The following RIOX2 variants were observed in gnomAD, a reference collection of about 807,000 sequenced individuals.
The protein encoded by RIOX2 is 60S ribosomal protein L27a histidine hydroxylase.
Under a neutral mutation model 51.2 loss-of-function variants are expected in RIOX2, and 43 were observed. That is an observed-to-expected ratio of 0.84 (90% CI 0.66 to 1.08). RIOX2 has a LOEUF of 1.08. Among genes scored for constraint, RIOX2 ranks in the 50% least tolerant of loss-of-function variants. The pLI is 0.00. For missense variants in RIOX2, 566 were observed against 561.7 expected (o/e 1.01, Z -0.08); for synonymous variants, 226 against 218.5 (o/e 1.03, Z -0.30).
chr3:97,967,031 A>C (rs1354151585), intron 2 of RIOX2, 131 bp downstream of exon 2: 1 of 904,270 alleles, frequency 1.1e-6, no homozygotes, highest in African/African-American at 1.7e-5. Context: ...TAGACCAAAG[A>C]GGTGCTACCC....
intron 2 of RIOX2, among the ~76,000 whole-genome samples, chr3:97,962,364 C>A (rs1257561738): frequency 1.6e-5 from 2 of 122,108 alleles, no homozygotes; most frequent in African/African-American, 2.9e-5. Context: ...AGACCCCCCC[C>A]CCCCCCCCCA....
intron 5 of RIOX2, among the ~76,000 whole-genome samples, chr3:97,953,382 A>ATT (rs533480158): frequency 6.2e-5 from 9 of 145,818 alleles, no homozygotes; most frequent in African/African-American, 1.5e-4. Context: ...CATGACTAGT[A>ATT]TTTTTTTTTT....
At chr3:97,955,705 G>C (rs1307108661) in intron 4 of RIOX2, among the ~76,000 whole-genome samples, 12 of 152,086 alleles carry the variant, frequency 7.9e-5, no homozygotes. Flanking sequence ...GAGACTCTCA[G>C]GTATACAGTC....
intron 5 of RIOX2, chr3:97,952,214 G>C (rs766137112): frequency 4.3e-5 from 55 of 1,289,630 alleles, no homozygotes; most frequent in Non-Finnish European, 5.6e-5. Flanking sequence ...GGGAGCAATG[G>C]CCCTCAAGTC....
At chr3:97,961,290 C>T (rs1456128531) in intron 3 of RIOX2, among the ~76,000 whole-genome samples, 1 of 152,212 alleles carries the variant, frequency 6.6e-6, no homozygotes, top group African/African-American at 2.4e-5. Flanking sequence ...AAGGAAAAGC[C>T]AAGCACACCT....
At chr3:97,962,554 A>G (rs150041265) in intron 2 of RIOX2, among the ~76,000 whole-genome samples, 1 of 152,254 alleles carries the variant, frequency 6.6e-6, no homozygotes, top group African/African-American at 2.4e-5. Flanking sequence ...TCTCTCCACT[A>G]TCAACTCTTC....
At chr3:97,972,333 ACCCGGCCTGCCC>A in intron 1 of RIOX2, 36 bp downstream of exon 1, 1 of 150,730 alleles carries the variant, frequency 6.6e-6, no homozygotes, top group East Asian at 2.0e-4. Flanking sequence ...ATCGGGCACT[ACCCGGCCTGCCC>A]CGGCGCTGGG....
intron 2 of RIOX2, among the ~76,000 whole-genome samples, chr3:97,965,321 G>A (rs1231217343): frequency 6.6e-6 from 1 of 151,760 alleles, no homozygotes; most frequent in Non-Finnish European, 1.5e-5. Flanking sequence ...AGACCAGCCT[G>A]GCCAACATGG....
rs1559762746 is a variant in RIOX2, at chr3:97,961,725, A to G, written c.433-17T>C. On this transcript the variant is annotated splice_polypyrimidine_tract_variant and intron_variant, in intron 2 of 9. Coordinates refer to ENST00000394198, the MANE Select transcript of RIOX2 (RefSeq NM_153182.4). The stretch of plus-strand genomic sequence containing the variant: ...AAGCTCATCCTTTACAAAAAAGGAA[A>G]AAAGAAAGGGTCGGCGTGGGGGAGT... 5 of 1,578,526 alleles carry G rather than the reference A, an allele frequency of 3.2e-6. No homozygotes were observed. Among genetic ancestry groups the G allele is most frequent in the Non-Finnish European group, 4.3e-6 (5 of 1,170,154 alleles).
Position 97,944,872 on chromosome 3 carries a change from G to T in RIOX2, c.*312C>A. On this transcript the variant is annotated 3_prime_UTR_variant, in exon 10 of 10. Transcript: ENST00000394198. ...CTTTAAAGAAGTTGTTTCTTCCAAA[G>T]AACAAAGCCAGGTTAATGACATTCA... The T allele has an allele frequency of 5.4e-6, 1 of 185,754 alleles. No individual in the cohort carries two copies. The highest frequency in any genetic ancestry group is 1.3e-4 in the East Asian group (1 of 7,568). 11.5% of individuals were successfully genotyped at this position (185,754 alleles called of 1,614,324 possible).
At chr3:97,958,780 G>A (rs555216102) in intron 4 of RIOX2, among the ~76,000 whole-genome samples, 1 of 152,258 alleles carries the variant, frequency 6.6e-6, no homozygotes, top group African/African-American at 2.4e-5. Context: ...CTTTCTTCCT[G>A]TTGGACTTGA....
intron 8 of RIOX2, among the ~76,000 whole-genome samples, chr3:97,946,652 G>A (rs1282965598): frequency 6.9e-6 from 1 of 144,172 alleles, no homozygotes; most frequent in African/African-American, 2.7e-5. Flanking sequence ...TGGCCCTGAC[G>A]GCTGGAACAA....
intron 2 of RIOX2, among the ~76,000 whole-genome samples, chr3:97,965,054 G>C (rs1203002536): frequency 1.3e-5 from 2 of 151,966 alleles, no homozygotes; most frequent in Non-Finnish European, 2.9e-5. Context: ...ACTCCTTCTA[G>C]ACTTCCTCTG....
At position 97,949,979 on chromosome 3, in the gene RIOX2, T is replaced by G. The variant is rs758974003; in HGVS notation, c.925A>C (p.Ser309Arg). 13 of 1,613,948 alleles carry G rather than the reference T, an allele frequency of 8.1e-6. No homozygotes were observed. The South Asian group carries it at 1.4e-4, about 18-fold the overall frequency. The change falls in exon 7 of 10, where the codon AGT becomes CGT. Residue 309 changes from serine to arginine, a missense_variant. Physicochemically the swap from Ser to Arg is moderately radical, Grantham distance 110. Transcript: ENST00000394198. ...TCTGCAAGTGTCCTCAGGAAGCCAC[T>G]TAATCGTCTTGTAGCAACAGTTGTG... ...ESTTVATRRL[S>R]GFLRTLADRL...
At chr3:97,950,140 G>T in intron 6 of RIOX2, 125 bp from the exon 7 acceptor site, 1 of 847,878 alleles carries the variant, frequency 1.2e-6, no homozygotes, top group East Asian at 2.6e-5. Context: ...CATTCCAAAG[G>T]GGAAGGGACA....
At position 97,967,200 on chromosome 3, in the gene RIOX2, T is replaced by C. The variant is rs763400836; in HGVS notation, c.394A>G (p.Arg132Gly). ...LQLRKDFDQK[R>G]ATIQFHQPQR... The stretch of plus-strand genomic sequence containing the variant: ...GGTTGGTGAAACTGAATCGTTGCCC[T>C]TTTCTGATCAAAATCTTTTCTCAGC... The change falls in exon 2 of 10, where the codon AGG becomes GGG. Residue 132 changes from arginine to glycine, a missense_variant. By Grantham distance (125) the Arg-to-Gly change is moderately radical (BLOSUM62 -2). Transcript: ENST00000394198. The C allele has an allele frequency of 6.2e-7, 1 of 1,614,220 alleles. No homozygotes were observed. The highest frequency in any genetic ancestry group is 1.7e-5 in the Admixed American group (1 of 60,022).
chr3:97,961,777 G>T (rs921396402), intron 2 of RIOX2, 69 bp from the exon 3 acceptor site: 4 of 1,495,110 alleles, frequency 2.7e-6, no homozygotes, highest in Non-Finnish European at 2.7e-6. Flanking sequence ...ATAAGAATAA[G>T]AGCATGTTCT....
In RIOX2 at chr3:97,945,206, T is replaced by G; in HGVS notation, c.1376A>C (p.Glu459Ala). The G allele has an allele frequency of 6.2e-7, 1 of 1,610,662 alleles. No homozygotes were observed. Among genetic ancestry groups the G allele is most frequent in the Non-Finnish European group, 8.5e-7 (1 of 1,178,286 alleles). Reference sequence around the variant, plus strand: ...GCACTAGACTACTTGAATTAAACATTCTGTCCAGAGGGATAATACCAGGCT... The same window carrying G: ...GCACTAGACTACTTGAATTAAACATGCTGTCCAGAGGGATAATACCAGGCT... ...KESLVLSLWT[E>A]CLIQVV Residue 459 changes from glutamate (E) to alanine (A), a missense_variant, in exon 10 of 10, where the codon GAA becomes GCA. By Grantham distance (107) the Glu-to-Ala change is moderately radical. Transcript: ENST00000394198.
intron 2 of RIOX2, among the ~76,000 whole-genome samples, chr3:97,965,706 G>T (rs1449642508): frequency 1.3e-5 from 2 of 152,102 alleles, no homozygotes; most frequent in Non-Finnish European, 2.9e-5. Flanking sequence ...GCCCTGCGGG[G>T]GATGATTCTA....
Sources: gnomAD v4.1 joint callset for allele counts (sites outside exome capture counted in the v4.1 genomes callset) on GRCh38, gnomAD v4.1.1 for gene constraint, MANE v1.5 for transcripts, NCBI Gene and HGNC (gene_info 2026-07-23, HGNC 2026-07-21) for gene names.